The following RICTOR variants were observed in gnomAD, a reference collection of about 807,000 sequenced individuals.
RICTOR encodes RPTOR independent companion of MTOR complex 2, also known as rapamycin-insensitive companion of mTOR.
RICTOR carries 49 observed loss-of-function variants against 214.9 expected under a neutral mutation model. The ratio of observed to expected loss-of-function variants is 0.23; its 90% CI spans 0.18 to 0.29. The LOEUF (loss-of-function observed/expected upper bound fraction) is 0.29. RICTOR is among the 10% of genes least tolerant of loss of function. RICTOR has a pLI of 1.00. For missense variants in RICTOR, 1,625 were observed against 2,047.0 expected (o/e 0.79, Z 3.98); for synonymous variants, 717 against 711.3 (o/e 1.01, Z -0.13).
intron 37 of RICTOR, 73 bp from the exon 38 acceptor site, chr5:38,942,451 A>C: frequency 2.5e-6 from 2 of 788,540 alleles, no homozygotes. Context: ...ATAAATATCT[A>C]ATTTTTTTTT....
In RICTOR at chr5:38,941,203, T is replaced by A; in HGVS notation, c.*1101A>T. On this transcript the variant is annotated 3_prime_UTR_variant, in exon 38 of 38. Transcript: ENST00000357387. ...CAATTAATATACTCATAAACCCACC[T>A]ACCACTGCATTTAGTTTGTGCAAAA... is the stretch of plus-strand genomic sequence containing the variant. 4.3e-6 allele frequency: 1 copy of A among 232,956 alleles called. No homozygotes were observed. The highest frequency in any genetic ancestry group is 8.5e-6 in the Non-Finnish European group (1 of 117,598). 14.4% of individuals were successfully genotyped at this position (232,956 alleles called of 1,614,324 possible).
chr5:39,009,669 G>C (rs1055043773), intron 3 of RICTOR, among the ~76,000 whole-genome samples: 3 of 151,784 alleles, frequency 2.0e-5, no homozygotes, highest in African/African-American at 7.3e-5. Context: ...TGTAGAAGAG[G>C]GCTTTAATCA....
At chr5:38,962,419 GATAATTACGTT>G in intron 18 of RICTOR, 55 bp downstream of exon 18, 1 of 1,162,166 alleles carries the variant, frequency 8.6e-7, no homozygotes, top group South Asian at 1.4e-5. Context: ...ACACATATAA[GATAATTACGTT>G]ATAATTAATA....
chr5:39,052,981 G>A (rs984511446), intron 2 of RICTOR, among the ~76,000 whole-genome samples: 3 of 152,108 alleles, frequency 2.0e-5, no homozygotes, highest in Non-Finnish European at 2.9e-5. Context: ...ATAAATAACA[G>A]TATCAGTTAA....
chr5:38,945,090 T>C (rs1478269887), intron 34 of RICTOR, 22 bp from the exon 35 acceptor site: 1 of 1,544,736 alleles, frequency 6.5e-7, no homozygotes, highest in Non-Finnish European at 8.9e-7. Context: ...AATAATTATT[T>C]CAATTAAAGC....
At chr5:38,944,612 A>G in intron 35 of RICTOR, 43 bp from the exon 36 acceptor site, 4 of 1,495,234 alleles carry the variant, frequency 2.7e-6, no homozygotes, top group Non-Finnish European at 3.6e-6. Context: ...TCTATGTCAC[A>G]ATAAAATGAT....
rs756208591 is a variant in RICTOR at position 38,963,054 on chromosome 5, ACAATT to A, written c.1401-18_1401-14del. On this transcript the variant is annotated splice_polypyrimidine_tract_variant and intron_variant, in intron 16 of 37. Coordinates refer to ENST00000357387, the MANE Select transcript of RICTOR (RefSeq NM_152756.5). The stretch of plus-strand genomic sequence containing the variant: ...TGCACTGGCTCGCCTAATGAGAAAA[ACAATT>A]CAATCAATACAGTAGCAAGACCAAT... 10 of 1,598,830 alleles carry A rather than the reference ACAATT, an allele frequency of 6.3e-6. No individual in the cohort carries two copies. In the South Asian group the frequency reaches 1.1e-4, roughly 18 times the overall value.
At chr5:39,052,858 G>C (rs16868027) in intron 2 of RICTOR, among the ~76,000 whole-genome samples, 5,034 of 152,088 alleles carry the variant, frequency 0.033, 138 homozygotes, top group South Asian at 0.082. Flanking sequence ...TCTATTTTAC[G>C]ATTCCACACC....
At chr5:39,025,819 T>C (rs1755772987) in intron 2 of RICTOR, among the ~76,000 whole-genome samples, 1 of 152,114 alleles carries the variant, frequency 6.6e-6, no homozygotes, top group Non-Finnish European at 1.5e-5. Context: ...ACGTTACGGG[T>C]TAGGATTTTG....
intron 2 of RICTOR, among the ~76,000 whole-genome samples, chr5:39,049,083 G>A (rs1757681633): frequency 6.6e-6 from 1 of 152,020 alleles, no homozygotes; most frequent in African/African-American, 2.4e-5. Flanking sequence ...AAAACACCAA[G>A]GTGAGAATCT....
intron 7 of RICTOR, among the ~76,000 whole-genome samples, chr5:38,984,131 C>T (rs1751958242): frequency 6.6e-6 from 1 of 151,808 alleles, no homozygotes; most frequent in Non-Finnish European, 1.5e-5. Flanking sequence ...ACTTCTATAG[C>T]TTTTGAACTA....
intron 2 of RICTOR, among the ~76,000 whole-genome samples, chr5:39,072,863 C>A (rs1759416378): frequency 6.6e-6 from 1 of 152,108 alleles, no homozygotes; most frequent in South Asian, 2.1e-4. Flanking sequence ...CTAGTTCACC[C>A]AAAACTAAGT....
intron 17 of RICTOR, 38 bp downstream of exon 17, chr5:38,962,838 T>C (rs377656600): frequency 3.3e-6 from 5 of 1,537,770 alleles, no homozygotes; most frequent in Non-Finnish European, 4.5e-6. Flanking sequence ...AATTAAGATG[T>C]TGTGTTTAAG....
At chr5:39,049,136 G>A (rs910235567) in intron 2 of RICTOR, among the ~76,000 whole-genome samples, 2 of 152,012 alleles carry the variant, frequency 1.3e-5, no homozygotes, top group African/African-American at 4.8e-5. Context: ...CCAAGCAGCA[G>A]GCAGAAGCAA....
chr5:38,967,137 T>C, intron 14 of RICTOR, 24 bp downstream of exon 14: 1 of 1,522,052 alleles, frequency 6.6e-7, no homozygotes, highest in Non-Finnish European at 9.1e-7. Flanking sequence ...CAAAATGGAA[T>C]AAAATAAGGT....
intron 2 of RICTOR, among the ~76,000 whole-genome samples, chr5:39,054,485 C>T (rs745931604): frequency 2.6e-5 from 4 of 152,194 alleles, no homozygotes; most frequent in Non-Finnish European, 5.9e-5. Flanking sequence ...TTCAGTACTT[C>T]TTCATATTCC....
chr5:38,993,357 T>G (rs571862704), intron 6 of RICTOR, among the ~76,000 whole-genome samples: 2 of 151,998 alleles, frequency 1.3e-5, no homozygotes, highest in Non-Finnish European at 2.9e-5. Context: ...GCGAGTAGAA[T>G]TTAAATAAGA....
At chr5:38,954,938 T>A (rs927609931) in intron 26 of RICTOR, 77 bp from the exon 27 acceptor site, 14 of 686,388 alleles carry the variant, frequency 2.0e-5, no homozygotes, top group South Asian at 7.3e-5. Context: ...TTTTAATAAA[T>A]GTTTGATAAA....
chr5:38,966,796 TC>T, intron 14 of RICTOR, 75 bp from the exon 15 acceptor site: 1 of 790,224 alleles, frequency 1.3e-6, no homozygotes, highest in Non-Finnish European at 1.9e-6. Context: ...GATTTATTTT[TC>T]AAAATTTTTT....
Sources: allele counts gnomAD v4.1 joint callset (sites outside exome capture counted in the v4.1 genomes callset), GRCh38; gene constraint gnomAD v4.1.1; transcripts MANE v1.5; gene names NCBI Gene and HGNC (gene_info 2026-07-23, HGNC 2026-07-21).